Variants in PPP1R9A observed in about 807,000 individuals in gnomAD.
PPP1R9A encodes protein phosphatase 1 regulatory subunit 9A, also known as neurabin-1.
Under a neutral mutation model 141.9 loss-of-function variants are expected in PPP1R9A, and 59 were observed. That is an observed-to-expected ratio of 0.42 (90% CI 0.34 to 0.52). PPP1R9A has a LOEUF of 0.52. Ranked by LOEUF, PPP1R9A falls within the 20% of genes least tolerant of loss-of-function variation. The probability of loss-of-function intolerance (pLI) is 0.10; values close to 1 mark genes in which losing one functional copy is unlikely to be tolerated. For missense variants in PPP1R9A, 1,444 were observed against 1,611.9 expected (o/e 0.90, Z 1.78); for synonymous variants, 500 against 569.7 (o/e 0.88, Z 1.74).
intron 2 of PPP1R9A, among the ~76,000 whole-genome samples, chr7:94,977,216 G>C (rs1799551096): frequency 6.6e-6 from 1 of 152,066 alleles, no homozygotes; most frequent in Non-Finnish European, 1.5e-5. Context: ...GAGATGTCTG[G>C]GTTGAAGAGA....
intron 3 of PPP1R9A, among the ~76,000 whole-genome samples, chr7:95,113,167 G>C (rs968204119): frequency 1.3e-5 from 2 of 152,150 alleles, no homozygotes; most frequent in Admixed American, 1.3e-4. Context: ...GAATTGAAAA[G>C]GATAGTTATT....
At chr7:95,035,525 T>G (rs748982741) in intron 2 of PPP1R9A, among the ~76,000 whole-genome samples, 1 of 152,216 alleles carries the variant, frequency 6.6e-6, no homozygotes, top group African/African-American at 2.4e-5. Context: ...AACATTTTGC[T>G]GTGATTTTAT....
At chr7:95,138,893 C>A (rs913384659) in intron 4 of PPP1R9A, among the ~76,000 whole-genome samples, 1 of 152,156 alleles carries the variant, frequency 6.6e-6, no homozygotes, top group African/African-American at 2.4e-5. Context: ...TCCCTTATGG[C>A]TAGTGGGAAT....
intron 4 of PPP1R9A, among the ~76,000 whole-genome samples, chr7:95,129,703 T>C (rs533076899): frequency 2.4e-4 from 36 of 152,284 alleles, no homozygotes; most frequent in African/African-American, 8.4e-4. Context: ...GATAGTGATA[T>C]GAACAATAAG....
intron 2 of PPP1R9A, among the ~76,000 whole-genome samples, chr7:94,943,427 CT>C (rs1795553212): frequency 6.6e-6 from 1 of 152,144 alleles, no homozygotes; most frequent in South Asian, 2.1e-4. Flanking sequence ...CATTTAAGCT[CT>C]GTAGAAATGT....
At chr7:95,226,251 T>C (rs1795128866) in intron 8 of PPP1R9A, 135 bp downstream of exon 8, 19 of 882,510 alleles carry the variant, frequency 2.2e-5, no homozygotes, top group Non-Finnish European at 2.7e-5. Flanking sequence ...TTGAGTCTCA[T>C]TGAATTTCAA....
intron 1 of PPP1R9A, chr7:94,908,178 G>T (rs1446718016): frequency 2.0e-5 from 3 of 150,836 alleles, no homozygotes; most frequent in African/African-American, 7.3e-5. Flanking sequence ...GAGTTGGGGA[G>T]GGTGGAGAGG....
At chr7:95,286,148 C>G in intron 17 of PPP1R9A, 58 bp from the exon 18 acceptor site, 1 of 1,598,590 alleles carries the variant, frequency 6.3e-7, no homozygotes, top group South Asian at 1.1e-5. Context: ...TGTAGACACA[C>G]CTACCTCTTG....
rs1809396206 is a variant in PPP1R9A, at chr7:95,042,489, C to G, written c.1396-68770C>G. Among the ~76,000 whole-genome samples the G allele has an allele frequency of 3.3e-5, 5 of 152,166 alleles. No homozygotes were observed. In the South Asian group the frequency reaches 1.0e-3, roughly 31 times the overall value. ...GCATCTATACCATTTTTCATCTCAT[C>G]AAGTGAAAATACCAAATTTTGGTAA... is the stretch of plus-strand genomic sequence containing the variant. On this transcript the variant is annotated intron_variant, in intron 2 of 19. Coordinates refer to ENST00000433360, the MANE Select transcript of PPP1R9A (RefSeq NM_001166160.2).
At chr7:95,197,508 C>A (rs889046660) in intron 5 of PPP1R9A, among the ~76,000 whole-genome samples, 1 of 152,056 alleles carries the variant, frequency 6.6e-6, no homozygotes. Flanking sequence ...ATCTTTCCCC[C>A]CAAAGGAAGT....
chr7:94,981,169 T>G (rs1330514848), intron 2 of PPP1R9A, among the ~76,000 whole-genome samples: 3 of 152,180 alleles, frequency 2.0e-5, no homozygotes, highest in Non-Finnish European at 4.4e-5. Flanking sequence ...AGATGTCACA[T>G]TCTTTCTGTT....
intron 9 of PPP1R9A, among the ~76,000 whole-genome samples, chr7:95,248,226 TATTGTTTCAATGGTC>T (rs1798405989): frequency 7.1e-6 from 1 of 140,096 alleles, no homozygotes; most frequent in African/African-American, 3.1e-5. Flanking sequence ...CAATATTCTT[TATTGTTTCAATGGTC>T]TTTTAAAAAT....
chr7:95,212,026 CAG>C (rs1307593029), intron 7 of PPP1R9A, among the ~76,000 whole-genome samples: 4 of 151,962 alleles, frequency 2.6e-5, no homozygotes, highest in Non-Finnish European at 4.4e-5. Context: ...GGATGGCAAA[CAG>C]TGGAAGCAAA....
At chr7:95,265,238 A>C (rs1801096379) in intron 12 of PPP1R9A, among the ~76,000 whole-genome samples, 1 of 152,202 alleles carries the variant, frequency 6.6e-6, no homozygotes, top group Admixed American at 6.6e-5. Context: ...GAGGACTCAA[A>C]GAAGGCAGAA....
intron 9 of PPP1R9A, 129 bp downstream of exon 9, chr7:95,247,655 C>A: frequency 1.4e-6 from 1 of 735,358 alleles, no homozygotes; most frequent in Non-Finnish European, 2.1e-6. Flanking sequence ...GATTCATTTT[C>A]ACTGTCAGGT....
chr7:94,999,777 TTTTATTTATTTA>T lies in PPP1R9A; in HGVS notation c.1395+88302_1395+88313del, dbSNP rs34600036. Among the ~76,000 whole-genome samples the T allele has an allele frequency of 1.4e-3, 202 of 141,358 alleles. 2 individuals carry two copies. The highest frequency in any genetic ancestry group is 1.0e-3 in the Non-Finnish European group (68 of 66,046). 92.7% of individuals were successfully genotyped at this position (141,358 alleles called of 152,430 possible). ...TACCAAAACCAGCTGAGATATCTTA[TTTTATTTATTTA>T]TTTATTTATTTATTTATTTATTTAT... On this transcript the variant is annotated intron_variant, in intron 2 of 19. Transcript: ENST00000433360.
intron 2 of PPP1R9A, among the ~76,000 whole-genome samples, chr7:94,989,955 C>G (rs141242551): frequency 0.013 from 2,046 of 151,858 alleles, 50 homozygotes; most frequent in African/African-American, 0.047. Flanking sequence ...CTTTGTTGAT[C>G]GAGTATAAAA....
At chr7:94,977,263 A>G (rs1318613989) in intron 2 of PPP1R9A, among the ~76,000 whole-genome samples, 1 of 152,146 alleles carries the variant, frequency 6.6e-6, no homozygotes, top group Non-Finnish European at 1.5e-5. Context: ...AATATAGGAA[A>G]AGAAGAGATT....
At chr7:94,957,480 G>A (rs1369521752) in intron 2 of PPP1R9A, among the ~76,000 whole-genome samples, 1 of 152,050 alleles carries the variant, frequency 6.6e-6, no homozygotes, top group Non-Finnish European at 1.5e-5. Flanking sequence ...GAGGATGAAA[G>A]TCAGAATTTT....
Sources: allele counts gnomAD v4.1 joint callset (sites outside exome capture counted in the v4.1 genomes callset), GRCh38; gene constraint gnomAD v4.1.1; transcripts MANE v1.5; gene names NCBI Gene and HGNC (gene_info 2026-07-23, HGNC 2026-07-21).